GRM8: variants seen among roughly 807,000 people sequenced by gnomAD.
The protein encoded by GRM8 is metabotropic glutamate receptor 8.
Under a neutral mutation model 87.2 loss-of-function variants are expected in GRM8, and 47 were observed. The ratio of observed to expected loss-of-function variants is 0.54; its 90% CI spans 0.43 to 0.69. The LOEUF (loss-of-function observed/expected upper bound fraction) is 0.69. GRM8 is among the 30% of genes least tolerant of loss of function. GRM8 has a pLI of 0.00. For synonymous variants in GRM8, 396 were observed against 404.5 expected, an observed-to-expected ratio of 0.98 and a Z score of 0.25; for missense variants, 1,019 against 1,139.2, an observed-to-expected ratio of 0.89 and a Z score of 1.52.
intron 8 of GRM8, among the ~76,000 whole-genome samples, chr7:126,560,661 C>G (rs1793599268): frequency 6.6e-6 from 1 of 151,934 alleles, no homozygotes. Context: ...CCAAGAAGAC[C>G]CAAAATGCTA....
At chr7:127,163,648 A>T (rs948365226) in intron 2 of GRM8, among the ~76,000 whole-genome samples, 1 of 152,164 alleles carries the variant, frequency 6.6e-6, no homozygotes, top group Non-Finnish European at 1.5e-5. Context: ...TTAGAGATAC[A>T]TCCTGAAGTA....
chr7:126,618,267 G>A (rs1397997345), intron 7 of GRM8, among the ~76,000 whole-genome samples: 4 of 152,090 alleles, frequency 2.6e-5, no homozygotes, highest in South Asian at 2.1e-4. Context: ...ACAAAAACAA[G>A]AAATGGGGAA....
intron 8 of GRM8, among the ~76,000 whole-genome samples, chr7:126,598,244 GT>G (rs1797404645): frequency 6.6e-6 from 1 of 151,512 alleles, no homozygotes; most frequent in Non-Finnish European, 1.5e-5. Context: ...ATAATGATAG[GT>G]TTTTAATGCC....
chr7:126,989,657 G>C (rs1028444572), intron 3 of GRM8, among the ~76,000 whole-genome samples: 1 of 136,102 alleles, frequency 7.3e-6, no homozygotes, highest in East Asian at 1.9e-4. Flanking sequence ...ATGGGCTACT[G>C]GGGGCTGGGC....
intron 7 of GRM8, among the ~76,000 whole-genome samples, chr7:126,611,296 T>G (rs1049057372): frequency 3.3e-5 from 5 of 152,172 alleles, no homozygotes; most frequent in East Asian, 1.9e-4. Context: ...TTTCTTCACC[T>G]GTAAAATGGG....
intron 6 of GRM8, among the ~76,000 whole-genome samples, chr7:126,848,013 G>T (rs530539952): frequency 6.6e-6 from 1 of 152,288 alleles, no homozygotes; most frequent in East Asian, 1.9e-4. Flanking sequence ...CCAGTTAGGA[G>T]GTTATTGCAA....
intron 7 of GRM8, among the ~76,000 whole-genome samples, chr7:126,611,497 A>G (rs972153560): frequency 2.0e-5 from 3 of 152,256 alleles, no homozygotes; most frequent in African/African-American, 7.2e-5. Flanking sequence ...ATTGAAATTC[A>G]AATGAGGAAG....
chr7:126,874,021 C>A (rs959852223), intron 6 of GRM8, among the ~76,000 whole-genome samples: 1 of 152,040 alleles, frequency 6.6e-6, no homozygotes, highest in African/African-American at 2.4e-5. Flanking sequence ...AATTTGCCTG[C>A]ATACATTTTT....
intron 3 of GRM8, among the ~76,000 whole-genome samples, chr7:126,995,848 T>A (rs1813130116): frequency 1.3e-5 from 2 of 151,876 alleles, no homozygotes; most frequent in Admixed American, 1.3e-4. Context: ...AATATATAAA[T>A]ATTCAAGTAC....
chr7:127,127,791 A>G (rs1218951078), intron 2 of GRM8, among the ~76,000 whole-genome samples: 2 of 152,112 alleles, frequency 1.3e-5, no homozygotes, highest in Non-Finnish European at 2.9e-5. Flanking sequence ...TTATTATTTA[A>G]TAAAGATTTT....
At chr7:126,714,328 A>G (rs1412519089) in intron 7 of GRM8, among the ~76,000 whole-genome samples, 1 of 149,200 alleles carries the variant, frequency 6.7e-6, no homozygotes, top group Non-Finnish European at 1.5e-5. Flanking sequence ...AATAATAAAT[A>G]GTATCTACCT....
At chr7:126,689,930 T>C (rs1186034082) in intron 7 of GRM8, among the ~76,000 whole-genome samples, 1 of 152,156 alleles carries the variant, frequency 6.6e-6, no homozygotes, top group Non-Finnish European at 1.5e-5. Flanking sequence ...TGTTTTCCTG[T>C]GTTTAAGCTG....
chr7:126,997,670 A>T (rs1813321768), intron 3 of GRM8, among the ~76,000 whole-genome samples: 1 of 151,912 alleles, frequency 6.6e-6, no homozygotes, highest in Non-Finnish European at 1.5e-5. Flanking sequence ...ATGCTAATAA[A>T]TTGGAATATG....
At chr7:127,113,945 G>T (rs1234469755) in intron 2 of GRM8, among the ~76,000 whole-genome samples, 1 of 152,082 alleles carries the variant, frequency 6.6e-6, no homozygotes, top group Non-Finnish European at 1.5e-5. Context: ...TCCCGACACT[G>T]CCCTGAGCTT....
intron 3 of GRM8, among the ~76,000 whole-genome samples, chr7:127,042,718 C>A (rs1818540959): frequency 6.6e-6 from 1 of 152,160 alleles, no homozygotes. Flanking sequence ...GACTTCATGT[C>A]TAAAACACCA....
intron 2 of GRM8, among the ~76,000 whole-genome samples, chr7:127,113,390 T>C (rs1826497122): frequency 6.6e-6 from 1 of 152,200 alleles, no homozygotes; most frequent in African/African-American, 2.4e-5. Flanking sequence ...GAAACTTGCA[T>C]ACATCTGAGT....
intron 3 of GRM8, among the ~76,000 whole-genome samples, chr7:127,087,408 G>A (rs542476589): frequency 1.5e-4 from 23 of 152,328 alleles, no homozygotes; most frequent in African/African-American, 5.1e-4. Context: ...CTTCACAGGT[G>A]TAAAATCAGT....
At chr7:126,606,875 T>A (rs1408823961) in intron 8 of GRM8, among the ~76,000 whole-genome samples, 1 of 152,210 alleles carries the variant, frequency 6.6e-6, no homozygotes, top group African/African-American at 2.4e-5. Flanking sequence ...TATAACTACA[T>A]TATGCGTATA....
At position 126,788,133 on chromosome 7, in the gene GRM8, G is replaced by A. The variant is rs113396185; in HGVS notation, c.1157-18068C>T. ...TTTCTATCATTAAAACAATCTGGCC[G>A]GTGCGATGGCTCATGCTTGTAATCC... On this transcript the variant is annotated intron_variant, in intron 6 of 10. Transcript: ENST00000339582. Among the ~76,000 whole-genome samples, 1,303 of 151,840 alleles carry A rather than the reference G, an allele frequency of 8.6e-3. 10 individuals carry two copies. The highest frequency in any genetic ancestry group is 0.029 in the African/African-American group (1,213 of 41,400).
Sources: gnomAD v4.1 joint callset for allele counts (sites outside exome capture counted in the v4.1 genomes callset) on GRCh38, gnomAD v4.1.1 for gene constraint, MANE v1.5 for transcripts, NCBI Gene and HGNC (gene_info 2026-07-23, HGNC 2026-07-21) for gene names.